The following RAD51B variants were observed in gnomAD, a reference collection of about 807,000 sequenced individuals.
RAD51B encodes DNA repair protein RAD51 homolog 2.
In RAD51B, 38 loss-of-function variants were observed where a neutral mutation model predicts 42.2. The observed-to-expected ratio is 0.90, with a 90% CI of 0.70 to 1.18. RAD51B has a LOEUF of 1.18. RAD51B is among the 50% of genes most tolerant of loss of function. The pLI is 0.00. For synonymous variants in RAD51B, 154 were observed against 145.2 expected, an observed-to-expected ratio of 1.06 and a Z score of -0.43; for missense variants, 373 against 400.7, an observed-to-expected ratio of 0.93 and a Z score of 0.59.
chr14:68,143,048 A>G (rs1438975179), intron 7 of RAD51B, among the ~76,000 whole-genome samples: 1 of 151,552 alleles, frequency 6.6e-6, no homozygotes. Flanking sequence ...GCTGTCTGAG[A>G]TGGAGTCCTA....
At chr14:68,262,306 G>T (rs1035326418) in intron 7 of RAD51B, among the ~76,000 whole-genome samples, 1 of 151,996 alleles carries the variant, frequency 6.6e-6, no homozygotes, top group Non-Finnish European at 1.5e-5. Context: ...TGGCTGAGGG[G>T]ACCTGAGATA....
At chr14:68,127,932 A>T (rs2077805788) in intron 7 of RAD51B, among the ~76,000 whole-genome samples, 1 of 152,132 alleles carries the variant, frequency 6.6e-6, no homozygotes, top group Non-Finnish European at 1.5e-5. Flanking sequence ...TAGGTGCTAT[A>T]CCTTCTATGC....
intron 8 of RAD51B, among the ~76,000 whole-genome samples, chr14:68,317,202 C>T (rs1324429818): frequency 6.6e-6 from 1 of 151,712 alleles, no homozygotes; most frequent in African/African-American, 2.4e-5. Context: ...TGCTGCAGAA[C>T]CTGCCTCAGG....
At chr14:68,530,195 G>A (rs2140347006) in intron 10 of RAD51B, among the ~76,000 whole-genome samples, 1 of 152,120 alleles carries the variant, frequency 6.6e-6, no homozygotes, top group South Asian at 2.1e-4. Context: ...TGTAACCTCA[G>A]CACTTTGGGA....
intron 8 of RAD51B, among the ~76,000 whole-genome samples, chr14:68,398,562 C>T (rs764808806): frequency 2.0e-5 from 3 of 152,080 alleles, no homozygotes; most frequent in South Asian, 2.1e-4. Context: ...GGCTATCAGC[C>T]GCCCCTCCTA....
At chr14:68,069,419 A>G (rs2076705847) in intron 7 of RAD51B, 1 of 152,014 alleles carries the variant, frequency 6.6e-6, no homozygotes, top group Admixed American at 6.6e-5. Context: ...GTAGTTTTTA[A>G]AATCCTCACC....
intron 7 of RAD51B, among the ~76,000 whole-genome samples, chr14:68,035,055 A>C (rs2076100399): frequency 6.6e-6 from 1 of 151,898 alleles, no homozygotes; most frequent in African/African-American, 2.4e-5. Flanking sequence ...GTTCTTTTGG[A>C]CTCTTGCTAA....
chr14:68,501,996 T>G (rs564086951), intron 10 of RAD51B, among the ~76,000 whole-genome samples: 50 of 152,326 alleles, frequency 3.3e-4, no homozygotes, highest in Non-Finnish European at 2.9e-5. Flanking sequence ...AGATGCTGAT[T>G]CGCCAGGTGC....
chr14:67,935,654 A>G (rs1304792767), intron 7 of RAD51B, among the ~76,000 whole-genome samples: 2 of 152,228 alleles, frequency 1.3e-5, no homozygotes, highest in East Asian at 1.9e-4. Context: ...AGTGTGAGCC[A>G]CTGCCCCTGG....
chr14:67,845,123 G>A (rs999868098), intron 4 of RAD51B, among the ~76,000 whole-genome samples: 5 of 144,038 alleles, frequency 3.5e-5, no homozygotes, highest in African/African-American at 1.5e-4. Context: ...ATATTGACAT[G>A]TGGATTTGAT....
chr14:68,373,341 C>G (rs2083298338), intron 8 of RAD51B, among the ~76,000 whole-genome samples: 1 of 152,112 alleles, frequency 6.6e-6, no homozygotes, highest in Non-Finnish European at 1.5e-5. Flanking sequence ...GGCCACATAT[C>G]TAGGAAGTGG....
intron 8 of RAD51B, among the ~76,000 whole-genome samples, chr14:68,366,895 G>A (rs2083153192): frequency 6.6e-6 from 1 of 152,214 alleles, no homozygotes; most frequent in Non-Finnish European, 1.5e-5. Flanking sequence ...CTCTGAACTT[G>A]GTTGAAAGAA....
intron 3 of RAD51B, among the ~76,000 whole-genome samples, chr14:67,833,763 C>T (rs562406626): frequency 4.1e-4 from 62 of 152,256 alleles, no homozygotes; most frequent in Admixed American, 5.9e-4. Flanking sequence ...GAAGTGAAAC[C>T]GTGGATAAGG....
chr14:68,356,662 T>C (rs1350055082), intron 8 of RAD51B, among the ~76,000 whole-genome samples: 1 of 151,816 alleles, frequency 6.6e-6, no homozygotes, highest in East Asian at 1.9e-4. Context: ...TTGCTGAAGG[T>C]TGGAGTGGCT....
At chr14:67,987,749 C>T (rs562975288) in intron 7 of RAD51B, among the ~76,000 whole-genome samples, 115 of 152,300 alleles carry the variant, frequency 7.6e-4, no homozygotes, top group African/African-American at 2.7e-3. Context: ...CTCCTCATTA[C>T]TCAGCACATA....
intron 7 of RAD51B, among the ~76,000 whole-genome samples, chr14:68,193,755 G>A (rs2079312059): frequency 6.6e-6 from 1 of 152,170 alleles, no homozygotes; most frequent in Non-Finnish European, 1.5e-5. Context: ...GTCAAGTTGA[G>A]GCAAGAATGC....
At chr14:68,124,731 A>T (rs1283417188) in intron 7 of RAD51B, among the ~76,000 whole-genome samples, 1 of 152,142 alleles carries the variant, frequency 6.6e-6, no homozygotes, top group Non-Finnish European at 1.5e-5. Context: ...AGGGGGGCGG[A>T]TCATGAGGTC....
intron 10 of RAD51B, chr14:68,541,302 T>C: frequency 1.0e-6 from 1 of 985,462 alleles, no homozygotes; most frequent in Non-Finnish European, 1.2e-6. Context: ...AAAGAATAGG[T>C]GGCTAAGGAG....
At position 67,919,937 on chromosome 14, in the gene RAD51B, C is replaced by T. The variant is rs545594525; in HGVS notation, c.756+32733C>T. On this transcript the variant is annotated intron_variant, in intron 7 of 10. Coordinates refer to ENST00000471583, the MANE Select transcript of RAD51B (RefSeq NM_133510.4). Reference sequence around the variant, plus strand: ...GTTGGATTAGCTGAAGAATAGTTTCCGTCATATTCTAGAAAAGAAAGCTTT... The same window carrying T: ...GTTGGATTAGCTGAAGAATAGTTTCTGTCATATTCTAGAAAAGAAAGCTTT... Among the ~76,000 whole-genome samples the T allele has an allele frequency of 4.6e-5, 7 of 152,182 alleles. No individual in the cohort carries two copies. The East Asian group carries it at 5.8e-4, about 13-fold the overall frequency.
Sources: allele counts gnomAD v4.1 joint callset (sites outside exome capture counted in the v4.1 genomes callset), GRCh38; gene constraint gnomAD v4.1.1; transcripts MANE v1.5; gene names NCBI Gene and HGNC (gene_info 2026-07-23, HGNC 2026-07-21).